SH3RF1: variants seen among roughly 807,000 people sequenced by gnomAD.
SH3RF1 encodes the protein E3 ubiquitin-protein ligase SH3RF1.
Under a neutral mutation model 74.0 loss-of-function variants are expected in SH3RF1, and 32 were observed. The observed-to-expected ratio is 0.43, with a 90% CI of 0.33 to 0.58. The LOEUF (loss-of-function observed/expected upper bound fraction) is 0.58. SH3RF1 is among the 20% of genes least tolerant of loss of function. The pLI is 0.05. For missense variants in SH3RF1, 954 were observed against 1,130.9 expected (o/e 0.84, Z 2.24); for synonymous variants, 396 against 439.6 (o/e 0.90, Z 1.24).
chr4:169,119,189 C>T (rs1410935472), intron 8 of SH3RF1, among the ~76,000 whole-genome samples: 20 of 151,544 alleles, frequency 1.3e-4, no homozygotes, highest in Admixed American at 5.3e-4. Context: ...CTGCAGCCTC[C>T]GCCTCCCAGG....
intron 4 of SH3RF1, among the ~76,000 whole-genome samples, chr4:169,150,787 G>A (rs1733965938): frequency 1.3e-5 from 2 of 152,160 alleles, no homozygotes; most frequent in South Asian, 2.1e-4. Flanking sequence ...ACGCCCTGTG[G>A]ATACTGAGGG....
intron 2 of SH3RF1, among the ~76,000 whole-genome samples, chr4:169,176,061 G>A (rs1048596947): frequency 6.6e-6 from 1 of 152,178 alleles, no homozygotes; most frequent in Non-Finnish European, 1.5e-5. Flanking sequence ...GGAGCACACA[G>A]TAAGAAGGTG....
At chr4:169,168,401 G>A (rs1734278986) in intron 2 of SH3RF1, among the ~76,000 whole-genome samples, 1 of 152,106 alleles carries the variant, frequency 6.6e-6, no homozygotes, top group Non-Finnish European at 1.5e-5. Context: ...ATAAACAAAA[G>A]GAACAGAGAA....
intron 2 of SH3RF1, among the ~76,000 whole-genome samples, chr4:169,189,495 A>C (rs1734662277): frequency 6.6e-6 from 1 of 152,224 alleles, no homozygotes; most frequent in Admixed American, 6.5e-5. Context: ...CTACATGTGA[A>C]AAGAAAGCAG....
At chr4:169,179,421 G>C (rs112728042) in intron 2 of SH3RF1, among the ~76,000 whole-genome samples, 21 of 152,316 alleles carry the variant, frequency 1.4e-4, no homozygotes, top group African/African-American at 5.1e-4. Context: ...TTACTTTGTA[G>C]TTTTAAGCCA....
chr4:169,266,695 G>T (rs573245147), intron 2 of SH3RF1, among the ~76,000 whole-genome samples: 3 of 152,214 alleles, frequency 2.0e-5, no homozygotes, highest in South Asian at 4.2e-4. Context: ...GAACTCCTGG[G>T]CTCAAGTGAT....
At chr4:169,266,260 C>T (rs188647731) in intron 2 of SH3RF1, among the ~76,000 whole-genome samples, 1 of 152,296 alleles carries the variant, frequency 6.6e-6, no homozygotes, top group African/African-American at 2.4e-5. Flanking sequence ...ACAGCCTAAC[C>T]AAACACAGAA....
At chr4:169,206,142 T>A (rs1487154840) in intron 2 of SH3RF1, among the ~76,000 whole-genome samples, 3 of 152,250 alleles carry the variant, frequency 2.0e-5, no homozygotes, top group African/African-American at 7.2e-5. Flanking sequence ...AAAGAGCATC[T>A]CTTGCATATC....
In SH3RF1 at chr4:169,120,832, C is replaced by T. The variant is rs745593665; in HGVS notation, c.1504G>A (p.Ala502Thr). ...KIGVFPGNYV[A>T]PVTRAVTNAS... ...TCAAAACCATACCTTGTGACTGGTG[C>T]CACATAATTGCCAGGGAAAACCCCT... Residue 502 changes from alanine (A) to threonine (T), a missense_variant, in exon 8 of 12, where the codon GCA becomes ACA. Physicochemically the swap from Ala to Thr is moderately conservative, Grantham distance 58. Transcript: ENST00000284637. 1.9e-6 allele frequency: 3 copies of T among 1,614,110 alleles called. No homozygotes were observed. Among genetic ancestry groups the T allele is most frequent in the Admixed American group, 3.3e-5 (2 of 60,022 alleles).
chr4:169,211,489 A>AG (rs1730366241), intron 2 of SH3RF1, among the ~76,000 whole-genome samples: 1 of 151,546 alleles, frequency 6.6e-6, no homozygotes, highest in Non-Finnish European at 1.5e-5. Context: ...CTCAAAAAAA[A>AG]AAAAAAAAAA....
At chr4:169,261,192 T>C (rs986697847) in intron 2 of SH3RF1, among the ~76,000 whole-genome samples, 3 of 152,160 alleles carry the variant, frequency 2.0e-5, no homozygotes, top group South Asian at 2.1e-4. Flanking sequence ...AGCCAGCCCA[T>C]GGCAGTGTTG....
At chr4:169,160,046 A>G (rs369529049) in intron 2 of SH3RF1, among the ~76,000 whole-genome samples, 13 of 152,326 alleles carry the variant, frequency 8.5e-5, no homozygotes, top group African/African-American at 2.6e-4. Flanking sequence ...GCCTGCATGA[A>G]TTAATTGAAA....
chr4:169,259,701 G>A (rs1731246568), intron 2 of SH3RF1, among the ~76,000 whole-genome samples: 1 of 152,142 alleles, frequency 6.6e-6, no homozygotes, highest in Admixed American at 6.5e-5. Context: ...AAATGAGGGA[G>A]CCTTACCAGC....
At chr4:169,126,839 C>T (rs1221712578) in intron 6 of SH3RF1, among the ~76,000 whole-genome samples, 1 of 152,178 alleles carries the variant, frequency 6.6e-6, no homozygotes, top group African/African-American at 2.4e-5. Flanking sequence ...GATCCTCCTA[C>T]CTCAGGCTCC....
At chr4:169,257,322 G>A (rs549443868) in intron 2 of SH3RF1, among the ~76,000 whole-genome samples, 5 of 152,324 alleles carry the variant, frequency 3.3e-5, no homozygotes, top group African/African-American at 1.2e-4. Context: ...AATGAATCCT[G>A]TTTTCTATAT....
intron 2 of SH3RF1, among the ~76,000 whole-genome samples, chr4:169,256,957 G>A (rs1259966446): frequency 6.6e-6 from 1 of 152,146 alleles, no homozygotes; most frequent in Non-Finnish European, 1.5e-5. Context: ...CTAATTTCTA[G>A]AAAGAGGGAA....
chr4:169,139,248 C>T (rs1042365405), intron 4 of SH3RF1, among the ~76,000 whole-genome samples: 1 of 152,174 alleles, frequency 6.6e-6, no homozygotes, highest in Admixed American at 6.5e-5. Flanking sequence ...GGACTCTGAG[C>T]ACCAATTATG....
intron 2 of SH3RF1, 150 bp downstream of exon 2, chr4:169,268,669 GA>G (rs933351452): frequency 1.4e-4 from 108 of 756,720 alleles, no homozygotes; most frequent in Middle Eastern, 1.3e-3. Flanking sequence ...CAAGATGGGG[GA>G]AAAAAATATT....
chr4:169,181,608 C>T (rs754362949), intron 2 of SH3RF1, among the ~76,000 whole-genome samples: 1 of 152,136 alleles, frequency 6.6e-6, no homozygotes, highest in Non-Finnish European at 1.5e-5. Context: ...TAAAATCTTT[C>T]AGGTCCCCAA....
Sources: allele counts gnomAD v4.1 joint callset (sites outside exome capture counted in the v4.1 genomes callset), GRCh38; gene constraint gnomAD v4.1.1; transcripts MANE v1.5; gene names NCBI Gene and HGNC (gene_info 2026-07-23, HGNC 2026-07-21).